WASF1: variants seen among roughly 807,000 people sequenced by gnomAD.
WASF1 encodes the protein WASP family member 1.
WASF1 carries 7 observed loss-of-function variants against 50.5 expected under a neutral mutation model. The observed-to-expected ratio is 0.14, with a 90% CI of 0.08 to 0.26. The LOEUF (loss-of-function observed/expected upper bound fraction) is 0.26, where lower values mean the gene tolerates loss of function less well. Among genes scored for constraint, WASF1 ranks in the 10% least tolerant of loss-of-function variants. WASF1 has a pLI of 1.00. For synonymous variants in WASF1, 205 were observed against 244.0 expected (o/e 0.84, Z 1.49); for missense variants, 470 against 694.7 (o/e 0.68, Z 3.64).
At position 110,100,552 on chromosome 6, in the gene WASF1, T is replaced by C; in HGVS notation, c.1650A>G (p.Ser550=). Residue 550 remains serine (S), a synonymous_variant, in exon 11 of 11, where the codon TCA becomes TCG. Transcript: ENST00000392589. ...AVEYSDSEDD[S]EFDEVDWLE ...CCAACCAATCTACTTCATCAAATTC[T>C]GAATCATCTTCCGAATCACTATATT... 1.9e-6 allele frequency: 3 copies of C among 1,612,916 alleles called. No individual in the cohort carries two copies. In the African/African-American group the frequency reaches 4.0e-5, roughly 21 times the overall value.
intron 3 of WASF1, among the ~76,000 whole-genome samples, chr6:110,132,109 C>A (rs1318528281): frequency 1.3e-5 from 2 of 152,046 alleles, no homozygotes; most frequent in Non-Finnish European, 2.9e-5. Context: ...AAGTCTTATA[C>A]ATCATTATTT....
At chr6:110,129,864 T>C (rs1009526688) in intron 3 of WASF1, among the ~76,000 whole-genome samples, 9 of 152,230 alleles carry the variant, frequency 5.9e-5, no homozygotes. Context: ...TGACAAAAAT[T>C]TTTAAAGAGC....
chr6:110,108,417 G>C lies in WASF1; in HGVS notation c.422+111C>G, dbSNP rs75998438. 4.6e-3 allele frequency: 4,785 copies of C among 1,046,228 alleles called. 146 individuals carry two copies. The African/African-American group carries it at 0.068, about 15-fold the overall frequency. The allele number at this position is 1,046,228 out of a possible 1,614,324, so 64.8% of individuals were successfully genotyped here. A position where few individuals can be genotyped will look rare whatever the true frequency, so the allele number is the denominator to read the frequency against. ...TTTTCCAAAGGTGGTGGACAGAGAG[G>C]GCTCTCTGTGTTGGCTAGAACCCCA... On this transcript the variant is annotated intron_variant, in intron 6 of 10. Transcript: ENST00000392589.
chr6:110,112,608 AAGC>A (rs2114474697), intron 5 of WASF1, among the ~76,000 whole-genome samples: 1 of 152,312 alleles, frequency 6.6e-6, no homozygotes, highest in Admixed American at 6.5e-5. Flanking sequence ...AGCATATTAA[AAGC>A]AGTTACATAG....
At chr6:110,126,824 C>A (rs1774438514) in intron 4 of WASF1, among the ~76,000 whole-genome samples, 1 of 152,196 alleles carries the variant, frequency 6.6e-6, no homozygotes, top group Non-Finnish European at 1.5e-5. Flanking sequence ...GCAATGAGAA[C>A]ATATTGCCTG....
intron 2 of WASF1, among the ~76,000 whole-genome samples, chr6:110,168,743 C>CT (rs1384912528): frequency 4.6e-5 from 7 of 152,092 alleles, no homozygotes; most frequent in Admixed American, 4.6e-4. Flanking sequence ...CATCAAGTGT[C>CT]TGTGCACAGA....
intron 4 of WASF1, among the ~76,000 whole-genome samples, chr6:110,125,192 GAATAT>G (rs1774367078): frequency 2.0e-5 from 3 of 152,190 alleles, no homozygotes; most frequent in Middle Eastern, 6.8e-3. Flanking sequence ...TTCTTAAATG[GAATAT>G]AAAATTAAAC....
At chr6:110,174,264 C>T (rs540525452) in intron 2 of WASF1, among the ~76,000 whole-genome samples, 3 of 152,224 alleles carry the variant, frequency 2.0e-5, no homozygotes, top group Admixed American at 6.5e-5. Context: ...CTCTTCTTTT[C>T]CTTTACAGCA....
intron 2 of WASF1, among the ~76,000 whole-genome samples, chr6:110,163,729 C>T (rs528033478): frequency 1.7e-4 from 26 of 151,686 alleles, no homozygotes; most frequent in African/African-American, 6.3e-4. Context: ...TATCAACAAA[C>T]TGATTCTAAA....
chr6:110,101,701 A>T lies in WASF1; in HGVS notation c.1409T>A (p.Met470Lys). 1 of 1,614,146 alleles carries T rather than the reference A, an allele frequency of 6.2e-7. No individual in the cohort carries two copies. The highest frequency in any genetic ancestry group is 8.5e-7 in the Non-Finnish European group (1 of 1,180,024). ...AACTTGTGATGGAGGAGATGGAGGC[A>T]TTAATGGAACATGGGGACCTGGGGC... is the stretch of plus-strand genomic sequence containing the variant. Reference protein sequence around the residue: ...STAPGPHVPLMPPSPPSQVIP... With the variant: ...STAPGPHVPLKPPSPPSQVIP... The change falls in exon 10 of 11, where the codon ATG becomes AAG. Residue 470 changes from methionine to lysine, a missense_variant. Met to Lys is a moderately conservative substitution (Grantham distance 95). Transcript: ENST00000392589.
intron 3 of WASF1, among the ~76,000 whole-genome samples, chr6:110,144,829 G>A (rs958346575): frequency 6.6e-6 from 1 of 152,096 alleles, no homozygotes; most frequent in Non-Finnish European, 1.5e-5. Context: ...TCTCTGTTTT[G>A]GTACCAGTAC....
chr6:110,134,796 G>A (rs1361500878), intron 3 of WASF1, among the ~76,000 whole-genome samples: 1 of 152,106 alleles, frequency 6.6e-6, no homozygotes, highest in Non-Finnish European at 1.5e-5. Context: ...TTTGAAGTCA[G>A]GTAATGTGAT....
At chr6:110,137,050 T>C (rs947788133) in intron 3 of WASF1, among the ~76,000 whole-genome samples, 1 of 152,202 alleles carries the variant, frequency 6.6e-6, no homozygotes, top group African/African-American at 2.4e-5. Flanking sequence ...TTTTACAGTA[T>C]CCTTGGTGCC....
Position 110,101,926 on chromosome 6 carries a change from T to C in WASF1, c.1184A>G (p.Gln395Arg), listed in dbSNP as rs1332874835. The C allele has an allele frequency of 1.2e-6, 2 of 1,611,134 alleles. No individual in the cohort carries two copies. Among genetic ancestry groups the C allele is most frequent in the Non-Finnish European group, 1.7e-6 (2 of 1,178,694 alleles). The stretch of plus-strand genomic sequence containing the variant: ...AGCTCTAGCTACTGGTGGAGAGGGC[T>C]GTACTAGAGGAGGTGCAATTGGAGG... ...APPPIAPPLV[Q>R]PSPPVARAAP... Residue 395 changes from glutamine to arginine, a missense_variant, in exon 10 of 11, where the codon CAG (glutamine) becomes CGG (arginine). Coordinates refer to ENST00000392589, the MANE Select transcript of WASF1 (RefSeq NM_003931.3).
chr6:110,167,929 A>C (rs546119285), intron 2 of WASF1, among the ~76,000 whole-genome samples: 8 of 152,114 alleles, frequency 5.3e-5, no homozygotes, highest in African/African-American at 1.7e-4. Flanking sequence ...TTACATTGGA[A>C]ACATTTACAT....
intron 6 of WASF1, among the ~76,000 whole-genome samples, chr6:110,108,306 A>T (rs78832627): frequency 0.073 from 11,101 of 152,156 alleles, 553 homozygotes; most frequent in African/African-American, 0.14. Context: ...TGGCTTTTCT[A>T]AACTTGTAAA....
chr6:110,119,362 C>T (rs1475307564), intron 4 of WASF1, among the ~76,000 whole-genome samples: 2 of 152,130 alleles, frequency 1.3e-5, no homozygotes, highest in Admixed American at 1.3e-4. Flanking sequence ...GGGGATATCA[C>T]TGCCAATCCC....
At chr6:110,160,401 C>T (rs897771430) in intron 3 of WASF1, among the ~76,000 whole-genome samples, 3 of 151,728 alleles carry the variant, frequency 2.0e-5, no homozygotes, top group South Asian at 4.1e-4. Context: ...GGTTTTGAGC[C>T]TAGGAGAGTG....
At chr6:110,101,274 C>T (rs1465834865) in intron 10 of WASF1, among the ~76,000 whole-genome samples, 2 of 152,074 alleles carry the variant, frequency 1.3e-5, no homozygotes, top group African/African-American at 2.4e-5. Flanking sequence ...AGTTAATATA[C>T]ACATTAAGCA....
Sources: gnomAD v4.1 joint callset for allele counts (sites outside exome capture counted in the v4.1 genomes callset) on GRCh38, gnomAD v4.1.1 for gene constraint, MANE v1.5 for transcripts, NCBI Gene and HGNC (gene_info 2026-07-23, HGNC 2026-07-21) for gene names.